Variants in ATRNL1 observed in about 807,000 individuals in gnomAD.
The protein encoded by ATRNL1 is attractin-like protein 1.
A neutral mutation model predicts 182.7 loss-of-function variants in ATRNL1; 95 were observed. The ratio of observed to expected loss-of-function variants is 0.52; its 90% CI spans 0.44 to 0.62. The LOEUF is 0.62. Among genes scored for constraint, ATRNL1 ranks in the 20% least tolerant of loss-of-function variants. ATRNL1 has a pLI of 0.00. For missense variants in ATRNL1, 1,471 were observed against 1,679.5 expected (o/e 0.88, Z 2.17); for synonymous variants, 576 against 568.3 (o/e 1.01, Z -0.19).
intron 19 of ATRNL1, among the ~76,000 whole-genome samples, chr10:115,350,737 C>G (rs573244083): frequency 2.0e-4 from 31 of 152,106 alleles, no homozygotes; most frequent in African/African-American, 7.5e-4. Flanking sequence ...GTCAAGATTG[C>G]TTTGGCTATT....
At chr10:115,711,290 G>A (rs941320388) in intron 26 of ATRNL1, among the ~76,000 whole-genome samples, 9 of 152,078 alleles carry the variant, frequency 5.9e-5, no homozygotes, top group Admixed American at 5.9e-4. Flanking sequence ...CCTGTGGGTA[G>A]GCTTCCCAGA....
rs1860379140 is a variant in ATRNL1 at position 115,657,105 on chromosome 10, A to G, written c.3796-70143A>G. ...AAACTCAGTTTCCAAGGACATATCA[A>G]TAATGTTAGGTGAGGACTTAATATA... is the stretch of plus-strand genomic sequence containing the variant. On this transcript the variant is annotated intron_variant, in intron 26 of 28. Coordinates refer to ENST00000355044, the MANE Select transcript of ATRNL1 (RefSeq NM_207303.4). Among the ~76,000 whole-genome samples, 3 of 152,178 alleles carry G rather than the reference A, an allele frequency of 2.0e-5. No homozygotes were observed. In the South Asian group the frequency reaches 6.2e-4, roughly 31 times the overall value.
intron 28 of ATRNL1, among the ~76,000 whole-genome samples, chr10:115,863,367 A>G (rs1951359753): frequency 1.3e-5 from 2 of 152,206 alleles, no homozygotes; most frequent in African/African-American, 4.8e-5. Flanking sequence ...ACCAAAAGCA[A>G]CCAAAAATAT....
At chr10:115,190,445 C>G (rs1166218427) in intron 8 of ATRNL1, among the ~76,000 whole-genome samples, 2 of 151,996 alleles carry the variant, frequency 1.3e-5, no homozygotes, top group Admixed American at 6.6e-5. Flanking sequence ...GCTTAACATT[C>G]TTTCACTGAT....
chr10:115,419,091 C>T (rs78426721), intron 20 of ATRNL1, among the ~76,000 whole-genome samples: 181 of 152,134 alleles, frequency 1.2e-3, no homozygotes, highest in African/African-American at 4.1e-3. Context: ...AAGAGATAGA[C>T]AATATGAAAA....
At chr10:115,263,932 CTT>C (rs1357334414) in intron 10 of ATRNL1, among the ~76,000 whole-genome samples, 3 of 151,718 alleles carry the variant, frequency 2.0e-5, no homozygotes, top group African/African-American at 7.2e-5. Context: ...TACACTCTCT[CTT>C]TTGAGAATAT....
intron 26 of ATRNL1, among the ~76,000 whole-genome samples, chr10:115,590,239 C>A (rs1208619053): frequency 6.6e-6 from 1 of 152,134 alleles, no homozygotes; most frequent in Non-Finnish European, 1.5e-5. Context: ...CATAGCCTAA[C>A]AAGATGAGTA....
intron 26 of ATRNL1, among the ~76,000 whole-genome samples, chr10:115,566,881 C>T (rs1380901193): frequency 6.8e-6 from 1 of 148,034 alleles, no homozygotes; most frequent in East Asian, 1.9e-4. Context: ...CTTTCACATG[C>T]ACCCCAGGAG....
intron 8 of ATRNL1, among the ~76,000 whole-genome samples, chr10:115,171,892 G>A (rs1847309281): frequency 6.6e-6 from 1 of 152,004 alleles, no homozygotes; most frequent in African/African-American, 2.4e-5. Flanking sequence ...TTTTAAAACA[G>A]TGGTAACCTT....
chr10:115,848,777 C>T (rs546979562), intron 28 of ATRNL1, among the ~76,000 whole-genome samples: 1 of 152,188 alleles, frequency 6.6e-6, no homozygotes, highest in South Asian at 2.1e-4. Flanking sequence ...TTTTCTGTCT[C>T]CTGATTATTT....
At chr10:115,428,632 A>T (rs1296637135) in intron 21 of ATRNL1, among the ~76,000 whole-genome samples, 1 of 152,052 alleles carries the variant, frequency 6.6e-6, no homozygotes, top group Non-Finnish European at 1.5e-5. Flanking sequence ...ATTAATTTAT[A>T]TGATTATCAG....
At chr10:115,144,688 T>G (rs1845900398) in intron 5 of ATRNL1, among the ~76,000 whole-genome samples, 1 of 152,216 alleles carries the variant, frequency 6.6e-6, no homozygotes, top group Non-Finnish European at 1.5e-5. Context: ...GGAAAGTCAA[T>G]TAACTATCTG....
chr10:115,109,601 A>G (rs1476464813), intron 1 of ATRNL1, among the ~76,000 whole-genome samples: 2 of 152,164 alleles, frequency 1.3e-5, no homozygotes, highest in Non-Finnish European at 1.5e-5. Context: ...TCGGGGATTA[A>G]GTTTTCAACA....
At chr10:115,455,485 T>C (rs1847478122) in intron 21 of ATRNL1, among the ~76,000 whole-genome samples, 1 of 152,096 alleles carries the variant, frequency 6.6e-6, no homozygotes, top group Non-Finnish European at 1.5e-5. Flanking sequence ...AAAAATTAAC[T>C]CAAGAAGGAT....
At chr10:115,416,754 G>A (rs964733164) in intron 20 of ATRNL1, among the ~76,000 whole-genome samples, 6 of 152,070 alleles carry the variant, frequency 3.9e-5, no homozygotes, top group Non-Finnish European at 8.8e-5. Flanking sequence ...GTAATTTTCA[G>A]TTCAATATAT....
intron 26 of ATRNL1, among the ~76,000 whole-genome samples, chr10:115,673,410 G>A (rs1162049675): frequency 5.9e-5 from 9 of 152,030 alleles, no homozygotes; most frequent in Non-Finnish European, 8.8e-5. Context: ...AGCAACTACA[G>A]TAAGAGCTGG....
chr10:115,350,542 C>T (rs1856198912), intron 19 of ATRNL1, among the ~76,000 whole-genome samples: 1 of 151,908 alleles, frequency 6.6e-6, no homozygotes, highest in Non-Finnish European at 1.5e-5. Context: ...ATTCTTGCCC[C>T]AGTGTATGTT....
intron 13 of ATRNL1, among the ~76,000 whole-genome samples, chr10:115,272,472 G>A (rs997292958): frequency 6.6e-6 from 1 of 152,154 alleles, no homozygotes; most frequent in Non-Finnish European, 1.5e-5. Flanking sequence ...TGGAATCAGT[G>A]TTGTGTTTTC....
At chr10:115,844,091 A>G (rs2134346113) in intron 27 of ATRNL1, among the ~76,000 whole-genome samples, 1 of 152,198 alleles carries the variant, frequency 6.6e-6, no homozygotes, top group Non-Finnish European at 1.5e-5. Context: ...CTGTGCCTTG[A>G]AGCGACTTAG....
Sources: gnomAD v4.1 joint callset for allele counts (sites outside exome capture counted in the v4.1 genomes callset) on GRCh38, gnomAD v4.1.1 for gene constraint, MANE v1.5 for transcripts, NCBI Gene and HGNC (gene_info 2026-07-23, HGNC 2026-07-21) for gene names.